Variants in PASD1 observed in about 807,000 individuals in gnomAD.
PASD1 encodes circadian clock protein PASD1.
A neutral mutation model predicts 58.8 loss-of-function variants in PASD1; 13 were observed. The observed-to-expected ratio is 0.22, with a 90% CI of 0.14 to 0.35. PASD1 has a LOEUF of 0.35. Among genes scored for constraint, PASD1 ranks in the 10% least tolerant of loss-of-function variants. The probability of loss-of-function intolerance (pLI) is 1.00; values close to 1 mark genes in which losing one functional copy is unlikely to be tolerated. For synonymous variants in PASD1, 236 were observed against 216.7 expected (o/e 1.09, Z -0.78); for missense variants, 734 against 568.3 (o/e 1.29, Z -2.96).
intron 8 of PASD1, chrX:151,645,782 T>C (rs1170424596): frequency 3.6e-5 from 4 of 112,092 alleles, no homozygotes; most frequent in Admixed American, 1.9e-4. Flanking sequence ...TTACATGTTA[T>C]ATCCCATATC....
At chrX:151,616,647 A>G (rs748329889) in intron 4 of PASD1, among the ~76,000 whole-genome samples, 2 of 111,396 alleles carry the variant, frequency 1.8e-5, no homozygotes, top group South Asian at 7.6e-4. Context: ...GAGTTTACAT[A>G]TATTTATTCT....
intron 3 of PASD1, among the ~76,000 whole-genome samples, chrX:151,609,145 A>T (rs1273491836): frequency 1.8e-5 from 2 of 110,279 alleles, no homozygotes; most frequent in African/African-American, 6.6e-5. Context: ...ATTGATTTGT[A>T]ACCAATTTTC....
In PASD1 at chrX:151,671,570, C is replaced by A. The variant is rs754293106; in HGVS notation, c.1231-3C>A. 4 of 1,208,071 alleles carry A rather than the reference C, an allele frequency of 3.3e-6. No homozygotes were observed. Among genetic ancestry groups the A allele is most frequent in the African/African-American group, 1.7e-5 (1 of 57,346 alleles). On this transcript the variant is annotated splice_region_variant and splice_polypyrimidine_tract_variant and intron_variant, in intron 12 of 15. Coordinates refer to ENST00000370357, the MANE Select transcript of PASD1 (RefSeq NM_173493.3). ...AGACCTTTGTGATACTGTGTCCTTA[C>A]AGAAGCAGCCAAACACATTACGCCA...
chrX:151,582,087 C>T (rs1602907812), intron 1 of PASD1, among the ~76,000 whole-genome samples: 1 of 102,298 alleles, frequency 9.8e-6, no homozygotes, highest in Admixed American at 1.1e-4. Flanking sequence ...CCCGGGTTCA[C>T]GTGATTCACC....
At chrX:151,623,977 A>G (rs189986682) in intron 7 of PASD1, among the ~76,000 whole-genome samples, 135 of 111,854 alleles carry the variant, frequency 1.2e-3, no homozygotes, top group African/African-American at 4.2e-3. Context: ...TTTGAGATCC[A>G]TGGTAATCAG....
At chrX:151,643,099 TA>T (rs2014017286) in intron 8 of PASD1, among the ~76,000 whole-genome samples, 2 of 112,242 alleles carry the variant, frequency 1.8e-5, no homozygotes, top group African/African-American at 3.2e-5. Flanking sequence ...ATGAATAGCT[TA>T]AAAAAACAGG....
intron 8 of PASD1, among the ~76,000 whole-genome samples, chrX:151,645,463 A>G (rs566172930): frequency 8.9e-6 from 1 of 112,306 alleles, no homozygotes; most frequent in South Asian, 3.7e-4. Context: ...ACCTTGCATT[A>G]AAGTAATTCA....
chrX:151,565,627 G>A (rs1211303915), intron 1 of PASD1, among the ~76,000 whole-genome samples: 2 of 101,204 alleles, frequency 2.0e-5, no homozygotes, highest in Non-Finnish European at 3.9e-5. Context: ...GCGTGATCTC[G>A]GCTCACTGCA....
intron 1 of PASD1, among the ~76,000 whole-genome samples, chrX:151,584,247 A>T (rs1318453149): frequency 8.9e-6 from 1 of 111,795 alleles, no homozygotes; most frequent in Admixed American, 9.4e-5. Context: ...TCTTTTCTTC[A>T]TATCAGGGGT....
chrX:151,564,656 G>A (rs1469508732), intron 1 of PASD1, among the ~76,000 whole-genome samples: 1 of 109,259 alleles, frequency 9.2e-6, no homozygotes. Flanking sequence ...TCAGCTACTG[G>A]TTACGGCTGA....
intron 6 of PASD1, 134 bp from the exon 7 acceptor site, chrX:151,622,803 A>G: frequency 3.1e-6 from 2 of 650,421 alleles, no homozygotes; most frequent in Non-Finnish European, 4.5e-6. Context: ...GAAAGAAGAC[A>G]GGAAAAATCC....
chrX:151,585,085 T>C (rs1330217919), intron 1 of PASD1, among the ~76,000 whole-genome samples: 1 of 112,050 alleles, frequency 8.9e-6, no homozygotes, highest in African/African-American at 3.2e-5. Context: ...TGAGGAAGCT[T>C]ACATTCTAGT....
intron 11 of PASD1, among the ~76,000 whole-genome samples, chrX:151,670,497 A>G (rs2014452013): frequency 8.9e-6 from 1 of 112,262 alleles, no homozygotes; most frequent in East Asian, 2.8e-4. Flanking sequence ...GCTGTTATCC[A>G]AGTTAAAATT....
At chrX:151,599,839 C>T (rs373811950) in intron 1 of PASD1, among the ~76,000 whole-genome samples, 22 of 110,898 alleles carry the variant, frequency 2.0e-4, no homozygotes, top group Middle Eastern at 4.6e-3. Context: ...CAGGCAGAGA[C>T]GCTCCTCACT....
intron 11 of PASD1, among the ~76,000 whole-genome samples, chrX:151,668,397 A>G (rs1316920103): frequency 9.0e-6 from 1 of 111,425 alleles, no homozygotes; most frequent in Non-Finnish European, 1.9e-5. Flanking sequence ...GTGCTGCTGG[A>G]TTCGGTTTGC....
chrX:151,622,937 A>C lies in PASD1; in HGVS notation c.419A>C (p.Glu140Ala), dbSNP rs2013733997. ...TCACATGTGTGTCTATCTTCCTTAG[A>C]GTTTCCTGTGGTCTTTAGTGGCTTG... is the stretch of plus-strand genomic sequence containing the variant. ...FIVNVRDICN[E>A]FPVVFSGLFS... Residue 140 changes from glutamate to alanine, a missense_variant and splice_region_variant, in exon 7 of 16, where the codon GAG becomes GCG. Transcript: ENST00000370357. 1 of 1,205,143 alleles carries C rather than the reference A, an allele frequency of 8.3e-7. No individual in the cohort carries two copies. The highest frequency in any genetic ancestry group is 1.8e-5 in the African/African-American group (1 of 56,944).
intron 1 of PASD1, among the ~76,000 whole-genome samples, chrX:151,593,926 A>G (rs1194308193): frequency 1.8e-5 from 2 of 111,809 alleles, no homozygotes; most frequent in Non-Finnish European, 3.8e-5. Context: ...TAAAAATCTA[A>G]TCAACAATCC....
chrX:151,643,397 G>C (rs1298448618), intron 8 of PASD1, among the ~76,000 whole-genome samples: 1 of 111,184 alleles, frequency 9.0e-6, no homozygotes, highest in East Asian at 2.8e-4. Flanking sequence ...TCATTCTGTG[G>C]GGGATGTTAG....
intron 4 of PASD1, 144 bp from the exon 5 acceptor site, chrX:151,620,786 T>C (rs2013695918): frequency 5.4e-6 from 2 of 371,519 alleles, no homozygotes; most frequent in East Asian, 8.4e-5. Flanking sequence ...GGTATAACTG[T>C]ACATGGCTGA....
Sources: allele counts gnomAD v4.1 joint callset (sites outside exome capture counted in the v4.1 genomes callset), GRCh38; gene constraint gnomAD v4.1.1; transcripts MANE v1.5; gene names NCBI Gene and HGNC (gene_info 2026-07-23, HGNC 2026-07-21).